Variants in PROM1 observed in about 807,000 individuals in gnomAD.
PROM1 encodes the protein prominin 1, also known as prominin-1.
In PROM1, 105 loss-of-function variants were observed where a neutral mutation model predicts 116.9. The ratio of observed to expected loss-of-function variants is 0.90; its 90% CI spans 0.77 to 1.06. The LOEUF (loss-of-function observed/expected upper bound fraction) is 1.06. Ranked by LOEUF, PROM1 falls within the 50% of genes least tolerant of loss-of-function variation. The probability of loss-of-function intolerance (pLI) is 0.00; values close to 1 mark genes in which losing one functional copy is unlikely to be tolerated. For missense variants in PROM1, 1,122 were observed against 1,045.2 expected, an observed-to-expected ratio of 1.07 and a Z score of -1.01; for synonymous variants, 393 against 387.0, an observed-to-expected ratio of 1.02 and a Z score of -0.18.
intron 11 of PROM1, among the ~76,000 whole-genome samples, chr4:16,009,655 C>T (rs1248871421): frequency 6.6e-6 from 1 of 151,958 alleles, no homozygotes; most frequent in Non-Finnish European, 1.5e-5. Flanking sequence ...AAATGGTATT[C>T]AGGGCCGGGC....
intron 2 of PROM1, among the ~76,000 whole-genome samples, chr4:16,069,310 C>G (rs1218786704): frequency 1.3e-5 from 2 of 152,166 alleles, no homozygotes; most frequent in African/African-American, 2.4e-5. Flanking sequence ...AAACTAACAA[C>G]AGAGGAGACG....
chr4:16,056,515 A>G (rs1739058623), intron 2 of PROM1, among the ~76,000 whole-genome samples: 2 of 152,174 alleles, frequency 1.3e-5, no homozygotes, highest in African/African-American at 2.4e-5. Context: ...CTATCAAGTG[A>G]GATAAACAAA....
intron 13 of PROM1, among the ~76,000 whole-genome samples, chr4:16,005,215 G>C (rs562253069): frequency 2.6e-5 from 4 of 151,934 alleles, no homozygotes; most frequent in Admixed American, 1.3e-4. Flanking sequence ...TGCCTGTCTC[G>C]GCCTCCCAAA....
rs777949268 is a variant in PROM1 at position 16,018,288 on chromosome 4, C to T, written c.1002+35G>A. 3 of 1,597,020 alleles carry T rather than the reference C, an allele frequency of 1.9e-6. No homozygotes were observed. In the South Asian group the frequency reaches 3.3e-5, roughly 18 times the overall value. ...GCCCTGCCCGGCAATCCCCAGCATG[C>T]AGCCCTTGACCATGGCAAGCTCATG... is the stretch of plus-strand genomic sequence containing the variant. On this transcript the variant is annotated intron_variant, in intron 9 of 27. Transcript: ENST00000447510.
In PROM1 at chr4:16,079,488, T is replaced by G. The variant is rs561793395; in HGVS notation, c.-212-3370A>C. On this transcript the variant is annotated intron_variant, in intron 1 of 27. Coordinates refer to ENST00000447510, the MANE Select transcript of PROM1 (RefSeq NM_006017.3). ...ATGAAATACTAGAAACTGATTAAAG[T>G]CAAGTCAAAGAGGAAGAGTTTTTTA... 6 of 152,272 alleles carry G rather than the reference T, an allele frequency of 3.9e-5. No homozygotes were observed. In the South Asian group the frequency reaches 1.2e-3, roughly 32 times the overall value. The allele number at this position is 152,272 out of a possible 1,614,324, so 9.4% of individuals were successfully genotyped here.
Position 15,968,989 on chromosome 4 carries a change from C to T in PROM1, c.*404G>A, listed in dbSNP as rs1005316930. ...ACACAAAATGCATCTTTCCTGTAAA[C>T]TGGTGTGTGTTCAGCACACTCCACA... On this transcript the variant is annotated 3_prime_UTR_variant, in exon 28 of 28. Coordinates refer to ENST00000447510, the MANE Select transcript of PROM1 (RefSeq NM_006017.3). The T allele has an allele frequency of 7.2e-5, 11 of 152,306 alleles. No individual in the cohort carries two copies. The East Asian group carries it at 1.9e-3, about 27-fold the overall frequency. 9.4% of individuals were successfully genotyped at this position (152,306 alleles called of 1,614,324 possible).
Position 16,009,034 on chromosome 4 carries a change from G to A in PROM1, c.1216C>T (p.Leu406Phe). Residue 406 changes from leucine (L) to phenylalanine (F), a missense_variant, in exon 12 of 28, where the codon CTC (leucine) becomes TTC (phenylalanine). Physicochemically the swap from Leu to Phe is conservative, Grantham distance 22. Coordinates refer to ENST00000447510, the MANE Select transcript of PROM1 (RefSeq NM_006017.3). ...VTQRLPIQDILSAFSVYVNNT... is the reference protein window; with the variant it reads ...VTQRLPIQDIFSAFSVYVNNT... ...TTAACATAAACAGAGAATGCTGAGA[G>A]TATATCCTGAATAGGAAGACGCTGA... is the stretch of plus-strand genomic sequence containing the variant. 6.2e-7 allele frequency: 1 copy of A among 1,602,330 alleles called. No individual in the cohort carries two copies. Among genetic ancestry groups the A allele is most frequent in the Non-Finnish European group, 8.6e-7 (1 of 1,169,568 alleles).
intron 9 of PROM1, among the ~76,000 whole-genome samples, chr4:16,017,109 G>T (rs1728586097): frequency 6.6e-6 from 1 of 152,134 alleles, no homozygotes; most frequent in African/African-American, 2.4e-5. Flanking sequence ...GGGTAAAAAG[G>T]CATGATGATG....
At position 16,012,889 on chromosome 4, in the gene PROM1, A is replaced by C. The variant is rs7676703; in HGVS notation, c.1141+386T>G. Among the ~76,000 whole-genome samples the C allele has an allele frequency of 7.6e-3, 1,125 of 148,324 alleles. 11 individuals carry two copies. Among genetic ancestry groups the C allele is most frequent in the African/African-American group, 0.026 (1,061 of 40,278 alleles). ...CTGTCTCAAAAAAAAAAAAAAAAAA[A>C]AACAACAAACTTTGATCTTAAGTTT... On this transcript the variant is annotated intron_variant, in intron 11 of 27. Coordinates refer to ENST00000447510, the MANE Select transcript of PROM1 (RefSeq NM_006017.3).
chr4:15,974,867 T>C (rs771125262), intron 26 of PROM1, among the ~76,000 whole-genome samples: 3 of 152,194 alleles, frequency 2.0e-5, no homozygotes, highest in Non-Finnish European at 4.4e-5. Flanking sequence ...ACCTGAAAAC[T>C]GTTGGCGATA....
At chr4:16,012,889 A>AC (rs1424684071) in intron 11 of PROM1, among the ~76,000 whole-genome samples, 207 of 148,322 alleles carry the variant, frequency 1.4e-3, no homozygotes, top group African/African-American at 4.8e-3. Flanking sequence ...AAAAAAAAAA[A>AC]AACAACAAAC....
intron 8 of PROM1, 120 bp downstream of exon 8, chr4:16,023,206 G>A: frequency 1.2e-6 from 1 of 816,512 alleles, no homozygotes; most frequent in East Asian, 2.7e-5. Flanking sequence ...TGTCTGCATG[G>A]CCACGGACGG....
rs910603673 is a variant in PROM1, at chr4:16,005,874, G to A, written c.1454+664C>T. 7.9e-5 allele frequency among the ~76,000 whole-genome samples: 12 copies of A among 152,312 alleles called. No homozygotes were observed. The South Asian group carries it at 2.5e-3, about 32-fold the overall frequency. On this transcript the variant is annotated intron_variant, in intron 13 of 27. Transcript: ENST00000447510. The stretch of plus-strand genomic sequence containing the variant: ...GCTTACATTTCTGGCTCTGGCCCCG[G>A]TTGCACCTGGCTCATGCCTGCTATG...
chr4:15,999,022 G>A (rs535458150), intron 14 of PROM1, among the ~76,000 whole-genome samples: 9 of 151,882 alleles, frequency 5.9e-5, no homozygotes, highest in Non-Finnish European at 1.3e-4. Context: ...GAGCCACCAC[G>A]CCGAGAACTC....
rs111295106 is a variant in PROM1 at position 16,079,659 on chromosome 4, A to G, written c.-212-3541T>C. 4.1e-3 allele frequency among the ~76,000 whole-genome samples: 624 copies of G among 152,236 alleles called. 3 individuals carry two copies. Among genetic ancestry groups the G allele is most frequent in the East Asian group, 0.039 (200 of 5,172 alleles). ...GAAATGCAGACTATTAATGGACCTAATTTCTGGGATGAAACCCATTAATCT... is the reference window on the plus strand; with the variant it reads ...GAAATGCAGACTATTAATGGACCTAGTTTCTGGGATGAAACCCATTAATCT... On this transcript the variant is annotated intron_variant, in intron 1 of 27. Coordinates refer to ENST00000447510, the MANE Select transcript of PROM1 (RefSeq NM_006017.3).
chr4:16,047,117 A>T lies in PROM1; in HGVS notation c.221-8116T>A, dbSNP rs1231725341. 6.6e-5 allele frequency among the ~76,000 whole-genome samples: 10 copies of T among 152,332 alleles called. No homozygotes were observed. In the East Asian group the frequency reaches 1.5e-3, roughly 23 times the overall value. On this transcript the variant is annotated intron_variant, in intron 2 of 27. Transcript: ENST00000447510. ...GGAGTGGACGCTACAGTCTTGAGGC[A>T]GGATTTCTTCCTCCTCAGGAAACCT... is the stretch of plus-strand genomic sequence containing the variant.
intron 2 of PROM1, among the ~76,000 whole-genome samples, chr4:16,058,007 T>C (rs1439271641): frequency 1.3e-5 from 2 of 152,224 alleles, no homozygotes; most frequent in African/African-American, 4.8e-5. Context: ...AGCAGCCACC[T>C]GAAACTGTCC....
chr4:15,989,952 G>A, intron 18 of PROM1, 128 bp from the exon 19 acceptor site: 1 of 704,212 alleles, frequency 1.4e-6, no homozygotes. Context: ...GGCTGTGAGT[G>A]GGCATGGGGG....
At chr4:15,973,104 G>T (rs764809538) in intron 26 of PROM1, among the ~76,000 whole-genome samples, 1 of 152,134 alleles carries the variant, frequency 6.6e-6, no homozygotes, top group African/African-American at 2.4e-5. Flanking sequence ...AGCATTCCCC[G>T]GGATCCACCT....
Sources: allele counts gnomAD v4.1 joint callset (sites outside exome capture counted in the v4.1 genomes callset), GRCh38; gene constraint gnomAD v4.1.1; transcripts MANE v1.5; gene names NCBI Gene and HGNC (gene_info 2026-07-23, HGNC 2026-07-21).